GRIK1: variants seen among roughly 807,000 people sequenced by gnomAD.
GRIK1 encodes glutamate receptor ionotropic, kainate 1.
GRIK1 carries 69 observed loss-of-function variants against 105.7 expected under a neutral mutation model. The ratio of observed to expected loss-of-function variants is 0.65; its 90% CI spans 0.54 to 0.80. The LOEUF is 0.80. GRIK1 is among the 30% of genes least tolerant of loss of function. The probability of loss-of-function intolerance (pLI) is 0.00; values close to 1 mark genes in which losing one functional copy is unlikely to be tolerated. For synonymous variants in GRIK1, 438 were observed against 431.3 expected, an observed-to-expected ratio of 1.02 and a Z score of -0.19; for missense variants, 1,109 against 1,167.3, an observed-to-expected ratio of 0.95 and a Z score of 0.73.
intron 8 of GRIK1, 101 bp from the exon 9 acceptor site, chr21:29,596,671 A>T: frequency 1.2e-6 from 1 of 832,280 alleles, no homozygotes; most frequent in Non-Finnish European, 2.1e-6. Context: ...AGAGTGTTAC[A>T]GTTCCCACCC....
At chr21:29,819,970 G>A (rs879411287) in intron 1 of GRIK1, among the ~76,000 whole-genome samples, 18 of 151,860 alleles carry the variant, frequency 1.2e-4, no homozygotes, top group South Asian at 6.2e-4. Flanking sequence ...GAGGCTAGGC[G>A]TTCTGTTTTT....
intron 1 of GRIK1, among the ~76,000 whole-genome samples, chr21:29,714,619 T>C (rs1315797194): frequency 1.3e-5 from 2 of 152,120 alleles, no homozygotes; most frequent in South Asian, 2.1e-4. Context: ...GACTGGGTAG[T>C]GCCGCCTGAA....
rs144766927 is a variant in GRIK1 at position 29,730,862 on chromosome 21, GATAAA to G, written c.119-36804_119-36800del. Among the ~76,000 whole-genome samples the G allele has an allele frequency of 3.4e-4, 52 of 152,144 alleles. 2 individuals are homozygous for G. The East Asian group carries it at 8.9e-3, about 26-fold the overall frequency. Reference sequence around the variant, plus strand: ...AAATTCATTAAAAATGAAATTAAAAGATAAAATAAAAATATAAACCTTATTTCTCA... The same window carrying G: ...AAATTCATTAAAAATGAAATTAAAAGATAAAAATATAAACCTTATTTCTCA... On this transcript the variant is annotated intron_variant, in intron 1 of 17. Transcript: ENST00000327783.
intron 1 of GRIK1, among the ~76,000 whole-genome samples, chr21:29,782,287 C>T (rs1207904898): frequency 3.9e-5 from 6 of 151,998 alleles, no homozygotes; most frequent in Non-Finnish European, 5.9e-5. Flanking sequence ...AGGGTTTCAC[C>T]GTGTTAGCCA....
intron 7 of GRIK1, among the ~76,000 whole-genome samples, chr21:29,603,976 T>A (rs772387564): frequency 4.1e-4 from 63 of 152,292 alleles, no homozygotes; most frequent in Non-Finnish European, 6.8e-4. Context: ...ATGTTGTGAG[T>A]CAATTTGGTA....
intron 9 of GRIK1, among the ~76,000 whole-genome samples, chr21:29,591,893 T>TA (rs1354056839): frequency 6.6e-6 from 1 of 151,286 alleles, no homozygotes; most frequent in African/African-American, 2.4e-5. Flanking sequence ...TACAAAAAAT[T>TA]AAAAAAAATT....
intron 1 of GRIK1, among the ~76,000 whole-genome samples, chr21:29,720,271 T>A (rs910269629): frequency 6.6e-6 from 1 of 152,240 alleles, no homozygotes; most frequent in Admixed American, 6.5e-5. Flanking sequence ...AAATATGACT[T>A]ACTTTATTCT....
intron 1 of GRIK1, among the ~76,000 whole-genome samples, chr21:29,745,691 C>T (rs2065031611): frequency 6.6e-6 from 1 of 152,158 alleles, no homozygotes; most frequent in Non-Finnish European, 1.5e-5. Flanking sequence ...TAGCCTGAAT[C>T]TGGTATTTTG....
intron 3 of GRIK1, among the ~76,000 whole-genome samples, chr21:29,677,939 C>T (rs1475708848): frequency 1.3e-5 from 2 of 152,202 alleles, no homozygotes; most frequent in Non-Finnish European, 2.9e-5. Context: ...TACCTTACAC[C>T]GCAGTCCAAT....
intron 1 of GRIK1, among the ~76,000 whole-genome samples, chr21:29,814,455 C>T (rs138077515): frequency 4.6e-5 from 7 of 152,072 alleles, no homozygotes; most frequent in South Asian, 2.1e-4. Context: ...ACTGTTCCCA[C>T]GAGCCAGGAG....
rs1568813612 is a variant in GRIK1, at chr21:29,560,365, C to CTT, written c.2356+1257_2356+1258dup. ...TTTCTTTCTTTCTTTCTTTTTCTTT[C>CTT]TTCCTTCCTTCCTTCCTTCCTTCCT... On this transcript the variant is annotated intron_variant, in intron 15 of 17. Transcript: ENST00000327783. Among the ~76,000 whole-genome samples the CTT allele has an allele frequency of 7.4e-3, 120 of 16,132 alleles. 8 individuals are homozygous for CTT. The highest frequency in any genetic ancestry group is 0.029 in the Middle Eastern group (1 of 34). 10.6% of individuals were successfully genotyped at this position (16,132 alleles called of 152,430 possible). A position where few individuals can be genotyped will look rare whatever the true frequency, so the allele number is the denominator to read the frequency against.
intron 1 of GRIK1, among the ~76,000 whole-genome samples, chr21:29,833,870 A>G (rs1312955950): frequency 6.6e-6 from 1 of 152,210 alleles, no homozygotes; most frequent in Non-Finnish European, 1.5e-5. Context: ...ATGAATATGG[A>G]GAATCTCCAT....
intron 7 of GRIK1, among the ~76,000 whole-genome samples, chr21:29,628,057 C>T (rs1206391488): frequency 6.6e-6 from 1 of 152,220 alleles, no homozygotes; most frequent in African/African-American, 2.4e-5. Context: ...GATGGAATAA[C>T]TGTACAATTA....
intron 7 of GRIK1, chr21:29,601,346 A>T (rs562960947): frequency 2.6e-6 from 1 of 389,852 alleles, no homozygotes; most frequent in African/African-American, 2.0e-5. Context: ...CAGGGTCTCT[A>T]GTTTGCAGAT....
At chr21:29,923,546 C>T (rs2071258473) in intron 1 of GRIK1, among the ~76,000 whole-genome samples, 1 of 152,080 alleles carries the variant, frequency 6.6e-6, no homozygotes, top group Non-Finnish European at 1.5e-5. Flanking sequence ...TTTCCTTTCT[C>T]TCAGAAAAAA....
chr21:29,769,150 T>C (rs1183760008), intron 1 of GRIK1, among the ~76,000 whole-genome samples: 2 of 152,122 alleles, frequency 1.3e-5, no homozygotes, highest in African/African-American at 4.8e-5. Flanking sequence ...ATAGGTAGAA[T>C]TGTGACAAGC....
At chr21:29,870,644 C>T (rs552813863) in intron 1 of GRIK1, among the ~76,000 whole-genome samples, 105 of 152,178 alleles carry the variant, frequency 6.9e-4, no homozygotes, top group Middle Eastern at 3.4e-3. Context: ...CCTATTGCAT[C>T]TTCTCTGATC....
chr21:29,631,904 C>A (rs936496220), intron 7 of GRIK1, among the ~76,000 whole-genome samples: 1 of 151,754 alleles, frequency 6.6e-6, no homozygotes, highest in Non-Finnish European at 1.5e-5. Flanking sequence ...TAGAGCAAAT[C>A]TTGGATTTGT....
At chr21:29,677,810 C>T (rs1172055544) in intron 3 of GRIK1, among the ~76,000 whole-genome samples, 1 of 152,122 alleles carries the variant, frequency 6.6e-6, no homozygotes, top group Admixed American at 6.6e-5. Context: ...TTTGGATCGG[C>T]CCTGAAAATG....
Sources: gnomAD v4.1 joint callset for allele counts (sites outside exome capture counted in the v4.1 genomes callset) on GRCh38, gnomAD v4.1.1 for gene constraint, MANE v1.5 for transcripts, NCBI Gene and HGNC (gene_info 2026-07-23, HGNC 2026-07-21) for gene names.